RYR3: variants seen among roughly 807,000 people sequenced by gnomAD.
RYR3 encodes the protein brain ryanodine receptor-calcium release channel.
Under a neutral mutation model 584.3 loss-of-function variants are expected in RYR3, and 207 were observed. The ratio of observed to expected loss-of-function variants is 0.35; its 90% CI spans 0.32 to 0.40. The LOEUF (loss-of-function observed/expected upper bound fraction) is 0.40. Among genes scored for constraint, RYR3 ranks in the 10% least tolerant of loss-of-function variants. RYR3 has a pLI of 1.00. For synonymous variants in RYR3, 2,416 were observed against 2,248.5 expected (o/e 1.07, Z -2.11); for missense variants, 5,616 against 6,089.2 (o/e 0.92, Z 2.59).
At chr15:33,557,394 T>C (rs2057135917) in intron 10 of RYR3, among the ~76,000 whole-genome samples, 1 of 152,226 alleles carries the variant, frequency 6.6e-6, no homozygotes, top group African/African-American at 2.4e-5. Flanking sequence ...TTATTTTTTA[T>C]TGATTTTTTG....
intron 49 of RYR3, 69 bp from the exon 50 acceptor site, chr15:33,738,381 G>A (rs949154189): frequency 6.8e-7 from 1 of 1,471,798 alleles, no homozygotes; most frequent in Non-Finnish European, 9.3e-7. Context: ...ATTCTCTCCT[G>A]CATGTTTTTG....
intron 16 of RYR3, among the ~76,000 whole-genome samples, chr15:33,594,649 A>C (rs1388341143): frequency 6.6e-6 from 1 of 152,190 alleles, no homozygotes; most frequent in African/African-American, 2.4e-5. Flanking sequence ...CACAATTTCC[A>C]AAGTTATCAG....
chr15:33,540,031 A>G (rs1481263068), intron 6 of RYR3, among the ~76,000 whole-genome samples: 4 of 152,102 alleles, frequency 2.6e-5, no homozygotes, highest in Non-Finnish European at 5.9e-5. Flanking sequence ...CACTCGAGGG[A>G]TGATTAAATA....
At chr15:33,466,025 G>A (rs1345622940) in intron 1 of RYR3, among the ~76,000 whole-genome samples, 1 of 152,204 alleles carries the variant, frequency 6.6e-6, no homozygotes, top group Admixed American at 6.5e-5. Flanking sequence ...TTTGGATATA[G>A]TAAGCTTGAC....
At chr15:33,476,893 C>G (rs2049434078) in intron 2 of RYR3, among the ~76,000 whole-genome samples, 1 of 152,194 alleles carries the variant, frequency 6.6e-6, no homozygotes, top group Admixed American at 6.5e-5. Flanking sequence ...TTCCTGGGAG[C>G]AGTCTGCTAG....
chr15:33,317,940 C>T (rs565053899), intron 1 of RYR3, among the ~76,000 whole-genome samples: 135 of 152,200 alleles, frequency 8.9e-4, no homozygotes, highest in Non-Finnish European at 1.7e-3. Context: ...TTTCAGGTCT[C>T]TCTGCTCCTG....
chr15:33,722,586 A>C (rs1420747163), intron 43 of RYR3, 129 bp from the exon 44 acceptor site: 53 of 832,766 alleles, frequency 6.4e-5, no homozygotes, highest in Admixed American at 2.4e-5. Context: ...TGCCCACTTG[A>C]CTGGCCTAAA....
intron 38 of RYR3, among the ~76,000 whole-genome samples, chr15:33,671,294 G>A (rs1178816506): frequency 1.3e-5 from 2 of 152,122 alleles, no homozygotes; most frequent in Non-Finnish European, 2.9e-5. Context: ...TTTATCATTT[G>A]TTTAAAGAAG....
intron 40 of RYR3, among the ~76,000 whole-genome samples, chr15:33,698,674 G>C (rs981488872): frequency 2.6e-5 from 4 of 152,040 alleles, no homozygotes; most frequent in Non-Finnish European, 5.9e-5. Context: ...AGTGCTACTG[G>C]GGAGGGGGTG....
intron 1 of RYR3, among the ~76,000 whole-genome samples, chr15:33,471,130 A>T (rs2048887761): frequency 6.6e-6 from 1 of 152,234 alleles, no homozygotes; most frequent in Admixed American, 6.5e-5. Context: ...TTGAAGGTTT[A>T]TGGAAATAAT....
At chr15:33,480,644 G>C (rs772490220) in intron 2 of RYR3, among the ~76,000 whole-genome samples, 1 of 152,198 alleles carries the variant, frequency 6.6e-6, no homozygotes, top group Non-Finnish European at 1.5e-5. Context: ...TTTAAACAAT[G>C]AATCAGTGGG....
intron 65 of RYR3, among the ~76,000 whole-genome samples, chr15:33,780,631 G>C (rs1055784725): frequency 6.6e-6 from 1 of 152,118 alleles, no homozygotes; most frequent in Non-Finnish European, 1.5e-5. Flanking sequence ...GTCTGCTCTG[G>C]GTTTCAGTTC....
intron 16 of RYR3, among the ~76,000 whole-genome samples, chr15:33,588,473 TA>T (rs921879808): frequency 1.3e-5 from 2 of 152,194 alleles, no homozygotes; most frequent in East Asian, 1.9e-4. Context: ...TTTTTATTTA[TA>T]AAAAAATAAG....
intron 75 of RYR3, 29 bp downstream of exon 75, chr15:33,816,987 A>G: frequency 7.6e-7 from 1 of 1,309,636 alleles, no homozygotes; most frequent in Non-Finnish European, 1.1e-6. Context: ...GGGAGCAGAT[A>G]TGAGTGTGGA....
In RYR3 at chr15:33,571,715, G is replaced by A. The variant is rs150934161; in HGVS notation, c.1268+4916G>A. ...TTGAATATAAAGTGTGTCCCTTGTAGACAACACATATTTGATTTTTTAAAA... is the reference window on the plus strand; with the variant it reads ...TTGAATATAAAGTGTGTCCCTTGTAAACAACACATATTTGATTTTTTAAAA... On this transcript the variant is annotated intron_variant, in intron 12 of 103. Coordinates refer to ENST00000634891, the MANE Select transcript of RYR3 (RefSeq NM_001036.6). 4.9e-4 allele frequency among the ~76,000 whole-genome samples: 75 copies of A among 152,148 alleles called. 1 individual carries two copies. In the East Asian group the frequency reaches 0.012, roughly 23 times the overall value.
At chr15:33,759,549 G>C (rs1194686061) in intron 60 of RYR3, among the ~76,000 whole-genome samples, 3 of 152,124 alleles carry the variant, frequency 2.0e-5, no homozygotes, top group Non-Finnish European at 2.9e-5. Context: ...GGAAATCAGA[G>C]ATTGAAGATC....
chr15:33,813,443 C>T, intron 73 of RYR3, 24 bp from the exon 74 acceptor site: 2 of 1,592,136 alleles, frequency 1.3e-6, no homozygotes, highest in Non-Finnish European at 1.7e-6. Flanking sequence ...CTAATGTGCA[C>T]CAACCGATGT....
intron 3 of RYR3, among the ~76,000 whole-genome samples, chr15:33,525,093 T>C (rs563582608): frequency 6.6e-6 from 1 of 152,368 alleles, no homozygotes; most frequent in East Asian, 1.9e-4. Context: ...AAATGAAATA[T>C]TTAATTATGT....
intron 41 of RYR3, among the ~76,000 whole-genome samples, chr15:33,700,268 TC>T (rs1477056665): frequency 6.6e-6 from 1 of 152,110 alleles, no homozygotes; most frequent in Admixed American, 6.5e-5. Context: ...TCCATCAACC[TC>T]CCAGCAAGTG....
Sources: allele counts gnomAD v4.1 joint callset (sites outside exome capture counted in the v4.1 genomes callset), GRCh38; gene constraint gnomAD v4.1.1; transcripts MANE v1.5; gene names NCBI Gene and HGNC (gene_info 2026-07-23, HGNC 2026-07-21).